The following SLC24A4 variants were observed in gnomAD, a reference collection of about 807,000 sequenced individuals.
The protein encoded by SLC24A4 is sodium/potassium/calcium exchanger 4.
SLC24A4 carries 53 observed loss-of-function variants against 79.0 expected under a neutral mutation model. The ratio of observed to expected loss-of-function variants is 0.67; its 90% confidence interval spans 0.54 to 0.84. The LOEUF (loss-of-function observed/expected upper bound fraction) is 0.84. SLC24A4 is among the 40% of genes least tolerant of loss of function. The pLI is 0.00. For synonymous variants in SLC24A4, 323 were observed against 323.8 expected (o/e 1.00, Z 0.03); for missense variants, 731 against 822.0 (o/e 0.89, Z 1.35).
chr14:92,484,177 C>G, intron 13 of SLC24A4: 3 of 985,372 alleles, frequency 3.0e-6, no homozygotes, highest in Non-Finnish European at 3.6e-6. Context: ...CACGCCTTCC[C>G]CCATCTCTCC....
intron 2 of SLC24A4, among the ~76,000 whole-genome samples, chr14:92,413,204 T>C (rs944401520): frequency 2.6e-5 from 4 of 152,144 alleles, no homozygotes; most frequent in African/African-American, 4.8e-5. Flanking sequence ...TGCTCTCCAA[T>C]AAGGAGAGTC....
At chr14:92,342,296 T>A (rs1278242140) in intron 2 of SLC24A4, among the ~76,000 whole-genome samples, 4 of 65,286 alleles carry the variant, frequency 6.1e-5, no homozygotes, top group Admixed American at 4.0e-4. Flanking sequence ...ATACAGGAGG[T>A]CTGGGGTGGG....
At chr14:92,417,141 T>G (rs1358324517) in intron 2 of SLC24A4, among the ~76,000 whole-genome samples, 1 of 152,178 alleles carries the variant, frequency 6.6e-6, no homozygotes, top group Non-Finnish European at 1.5e-5. Context: ...ACAAGGACCA[T>G]GTACAGTCAT....
intron 2 of SLC24A4, among the ~76,000 whole-genome samples, chr14:92,326,235 A>C (rs1016864283): frequency 6.6e-6 from 1 of 151,418 alleles, no homozygotes; most frequent in African/African-American, 2.4e-5. Context: ...TTGTTCTCAC[A>C]ATGTTCCTGA....
intron 2 of SLC24A4, among the ~76,000 whole-genome samples, chr14:92,344,520 A>G (rs1228421324): frequency 6.6e-6 from 1 of 152,132 alleles, no homozygotes; most frequent in African/African-American, 2.4e-5. Context: ...TGCATTTTTT[A>G]TCGAGGCAGT....
At chr14:92,394,135 A>G (rs1011314815) in intron 2 of SLC24A4, among the ~76,000 whole-genome samples, 2 of 152,022 alleles carry the variant, frequency 1.3e-5, no homozygotes, top group African/African-American at 4.8e-5. Flanking sequence ...GTGACCCACC[A>G]TTCCAGATGA....
At chr14:92,427,546 C>T (rs1891632816) in intron 2 of SLC24A4, among the ~76,000 whole-genome samples, 1 of 152,182 alleles carries the variant, frequency 6.6e-6, no homozygotes, top group Non-Finnish European at 1.5e-5. Context: ...AGTTACGGGT[C>T]AGTGCAGTGG....
At position 92,496,274 on chromosome 14, in the gene SLC24A4, A is replaced by C. The variant is rs1895917538; in HGVS notation, c.*2646A>C. ...ACTATATGTACACTGTAGGTGGAAA[A>C]TTCTCTTTTTTAACTAAATATTTTT... On this transcript the variant is annotated 3_prime_UTR_variant, in exon 17 of 17. Transcript: ENST00000532405. The C allele has an allele frequency of 6.6e-6, 1 of 152,654 alleles. No individual in the cohort carries two copies. The highest frequency in any genetic ancestry group is 2.1e-4 in the South Asian group (1 of 4,832). 9.5% of individuals were successfully genotyped at this position (152,654 alleles called of 1,614,324 possible).
At chr14:92,461,258 G>T (rs577689979) in intron 12 of SLC24A4, among the ~76,000 whole-genome samples, 2 of 152,178 alleles carry the variant, frequency 1.3e-5, no homozygotes, top group Non-Finnish European at 2.9e-5. Flanking sequence ...GCTGGCCTTC[G>T]TGGCCACTTT....
chr14:92,498,867 T>G lies in SLC24A4; in HGVS notation c.*5239T>G, dbSNP rs1566815475. 6.6e-6 allele frequency: 1 copy of G among 152,194 alleles called. No homozygotes were observed. The highest frequency in any genetic ancestry group is 1.5e-5 in the Non-Finnish European group (1 of 68,046). The allele number at this position is 152,194 out of a possible 1,614,324, so 9.4% of individuals were successfully genotyped here. A position where few individuals can be genotyped will look rare whatever the true frequency, so the allele number is the denominator to read the frequency against. On this transcript the variant is annotated 3_prime_UTR_variant, in exon 17 of 17. Transcript: ENST00000532405. ...AAAGAAAACTCAATCGGGACACTAG[T>G]TTTGTGCTCAGCTTTAGGCCGGGTA...
intron 10 of SLC24A4, chr14:92,453,253 C>G (rs778595887): frequency 6.6e-6 from 1 of 152,236 alleles, no homozygotes; most frequent in Non-Finnish European, 1.5e-5. Flanking sequence ...AGCGGCTCAC[C>G]GTGCACCCTC....
At chr14:92,474,862 TA>T (rs1398329530) in intron 12 of SLC24A4, among the ~76,000 whole-genome samples, 1,564 of 63,038 alleles carry the variant, frequency 0.025, 164 homozygotes, top group African/African-American at 0.088. Context: ...TATATATATA[TA>T]TTTTTTTTTT....
At chr14:92,463,216 A>T (rs867206613) in intron 12 of SLC24A4, among the ~76,000 whole-genome samples, 26 of 152,170 alleles carry the variant, frequency 1.7e-4, no homozygotes, top group Admixed American at 1.6e-3. Context: ...CTTCAGTTTT[A>T]AATAGCTCTT....
At chr14:92,474,829 A>ATGTGTG (rs1327061695) in intron 12 of SLC24A4, among the ~76,000 whole-genome samples, 2 of 87,528 alleles carry the variant, frequency 2.3e-5, no homozygotes, top group Non-Finnish European at 4.5e-5. Flanking sequence ...ATACATATAT[A>ATGTGTG]TGTGTGTGTG....
chr14:92,479,915 G>T (rs1894966645), intron 12 of SLC24A4, among the ~76,000 whole-genome samples: 1 of 152,162 alleles, frequency 6.6e-6, no homozygotes, highest in Non-Finnish European at 1.5e-5. Flanking sequence ...TCCTTTCTGA[G>T]TCAGTTTTGG....
chr14:92,439,214 T>C, intron 3 of SLC24A4, 121 bp from the exon 4 acceptor site: 1 of 744,594 alleles, frequency 1.3e-6, no homozygotes, highest in Non-Finnish European at 2.3e-6. Context: ...GGAGTTTTCC[T>C]GTGTGCCCCG....
chr14:92,339,537 C>G (rs1462022116), intron 2 of SLC24A4, among the ~76,000 whole-genome samples: 2 of 152,190 alleles, frequency 1.3e-5, no homozygotes, highest in Non-Finnish European at 2.9e-5. Flanking sequence ...GGTCTCCCAG[C>G]TCGGAATTGG....
chr14:92,435,023 C>G (rs1892088631), intron 3 of SLC24A4, among the ~76,000 whole-genome samples: 1 of 152,186 alleles, frequency 6.6e-6, no homozygotes, highest in Non-Finnish European at 1.5e-5. Flanking sequence ...ATCCACCTGC[C>G]TCGGCCTCCC....
chr14:92,410,931 G>C (rs1890675561), intron 2 of SLC24A4, among the ~76,000 whole-genome samples: 1 of 152,206 alleles, frequency 6.6e-6, no homozygotes, highest in Non-Finnish European at 1.5e-5. Context: ...TTCATCCAAA[G>C]ACAAGTTTCT....
Sources: allele counts gnomAD v4.1 joint callset (sites outside exome capture counted in the v4.1 genomes callset), GRCh38; gene constraint gnomAD v4.1.1; transcripts MANE v1.5; gene names NCBI Gene and HGNC (gene_info 2026-07-23, HGNC 2026-07-21).